The following CACNA1C variants were observed in gnomAD, a reference collection of about 807,000 sequenced individuals.
CACNA1C encodes voltage-dependent L-type calcium channel subunit alpha-1C.
In CACNA1C, 30 loss-of-function variants were observed where a neutral mutation model predicts 229.0. The observed-to-expected ratio is 0.13, with a 90% CI of 0.10 to 0.18. The LOEUF (loss-of-function observed/expected upper bound fraction) is 0.18. Ranked by LOEUF, CACNA1C falls within the 10% of genes least tolerant of loss-of-function variation. The probability of loss-of-function intolerance (pLI) is 1.00; values close to 1 mark genes in which losing one functional copy is unlikely to be tolerated. For synonymous variants in CACNA1C, 1,114 were observed against 1,132.5 expected (o/e 0.98, Z 0.33); for missense variants, 1,658 against 2,845.0 (o/e 0.58, Z 9.49).
At chr12:2,197,178 C>T (rs1217619791) in intron 3 of CACNA1C, among the ~76,000 whole-genome samples, 1 of 152,200 alleles carries the variant, frequency 6.6e-6, no homozygotes, top group Non-Finnish European at 1.5e-5. Flanking sequence ...ACACACTGGC[C>T]TCCACCTTGG....
chr12:2,021,003 C>T (rs541247163), intron 1 of CACNA1C, among the ~76,000 whole-genome samples: 8 of 152,006 alleles, frequency 5.3e-5, no homozygotes, highest in Admixed American at 1.3e-4. Context: ...GAATAGTTTC[C>T]AGGGTAAGTA....
intron 3 of CACNA1C, among the ~76,000 whole-genome samples, chr12:2,437,813 G>GTGGTGGTGGTAA (rs1312797004): frequency 6.6e-6 from 1 of 150,388 alleles, no homozygotes; most frequent in Non-Finnish European, 1.5e-5. Flanking sequence ...GGTGATGATG[G>GTGGTGGTGGTAA]TGGTGGTGGT....
chr12:2,226,369 A>C (rs997207372), intron 3 of CACNA1C, among the ~76,000 whole-genome samples: 6 of 152,194 alleles, frequency 3.9e-5, no homozygotes, highest in African/African-American at 1.4e-4. Flanking sequence ...CTCAGAGGTT[A>C]AATAACTTGG....
intron 3 of CACNA1C, among the ~76,000 whole-genome samples, chr12:2,345,720 A>G (rs2096993663): frequency 6.6e-6 from 1 of 152,160 alleles, no homozygotes; most frequent in Non-Finnish European, 1.5e-5. Flanking sequence ...AGGTTGATCT[A>G]GGCTGGCCAC....
At chr12:2,272,380 T>C (rs2085455464) in intron 3 of CACNA1C, among the ~76,000 whole-genome samples, 1 of 152,146 alleles carries the variant, frequency 6.6e-6, no homozygotes, top group South Asian at 2.1e-4. Context: ...TGGATCACCA[T>C]CCTCTGCCTC....
intron 3 of CACNA1C, among the ~76,000 whole-genome samples, chr12:2,168,108 C>T (rs1194842876): frequency 1.3e-5 from 2 of 151,912 alleles, no homozygotes; most frequent in East Asian, 1.9e-4. Flanking sequence ...GTTACAGGGG[C>T]ATGGAAATAT....
At position 2,575,745 on chromosome 12, in the gene CACNA1C, C is replaced by T. The variant is rs763465739; in HGVS notation, c.1896-5845C>T. Among the ~76,000 whole-genome samples, 1 of 152,070 alleles carries T rather than the reference C, an allele frequency of 6.6e-6. No individual in the cohort carries two copies. Among genetic ancestry groups the T allele is most frequent in the African/African-American group, 2.4e-5 (1 of 41,396 alleles). ...TAGGGTGGAACATTTGCAGAGCATCCGAAAGTGGTGGGTACTGTTATTTTG... is the reference window on the plus strand; with the variant it reads ...TAGGGTGGAACATTTGCAGAGCATCTGAAAGTGGTGGGTACTGTTATTTTG... On this transcript the variant is annotated intron_variant, in intron 13 of 46. Transcript: ENST00000399655. This position sits in a 1 kb window ranked among gnomAD's most constrained non-coding sequence, Gnocchi z 4.0.
At chr12:1,978,883 C>T (rs2035240478) in intron 1 of CACNA1C, among the ~76,000 whole-genome samples, 1 of 152,208 alleles carries the variant, frequency 6.6e-6, no homozygotes, top group South Asian at 2.1e-4. Context: ...TTCTTCTTAT[C>T]GCTGAGTAGT....
intron 3 of CACNA1C, among the ~76,000 whole-genome samples, chr12:2,171,775 G>C (rs943196652): frequency 6.6e-6 from 1 of 152,176 alleles, no homozygotes; most frequent in East Asian, 1.9e-4. Context: ...CAAGAAACTA[G>C]GATAACAGGT....
At chr12:2,035,961 A>G (rs2049063722) in intron 1 of CACNA1C, among the ~76,000 whole-genome samples, 1 of 151,900 alleles carries the variant, frequency 6.6e-6, no homozygotes, top group African/African-American at 2.4e-5. Flanking sequence ...GCTTCAGGGG[A>G]GGAGAGGATT....
At chr12:2,081,470 C>G (rs2065592418) in intron 1 of CACNA1C, among the ~76,000 whole-genome samples, 1 of 151,922 alleles carries the variant, frequency 6.6e-6, no homozygotes, top group Admixed American at 6.6e-5. Context: ...ACTCGGGAGG[C>G]TGAGGCAGGA....
At chr12:2,579,392 TAAAG>T (rs2059723893) in intron 13 of CACNA1C, among the ~76,000 whole-genome samples, 2 of 152,058 alleles carry the variant, frequency 1.3e-5, no homozygotes, top group African/African-American at 4.8e-5. Context: ...TAAATATGCT[TAAAG>T]TTGCTGGTTC....
At chr12:2,194,225 C>T (rs984592048) in intron 3 of CACNA1C, among the ~76,000 whole-genome samples, 2 of 145,228 alleles carry the variant, frequency 1.4e-5, no homozygotes, top group African/African-American at 5.2e-5. Context: ...CCTCCTCCTT[C>T]TACTCCTTTT....
In CACNA1C at chr12:2,692,176, A is replaced by G. The variant is rs886049219; in HGVS notation, c.*977A>G. The G allele has an allele frequency of 2.2e-4, 34 of 152,314 alleles. No homozygotes were observed. The highest frequency in any genetic ancestry group is 8.2e-4 in the African/African-American group (34 of 41,568). The allele number at this position is 152,314 out of a possible 1,614,324, so 9.4% of individuals were successfully genotyped here. The stretch of plus-strand genomic sequence containing the variant: ...TTTTACCAACCATTGTGTATGCCCA[A>G]TAATTTGTTATCATTTCCTTAGGTA... On this transcript the variant is annotated 3_prime_UTR_variant, in exon 47 of 47. Coordinates refer to ENST00000399655, the MANE Select transcript of CACNA1C (RefSeq NM_000719.7).
In CACNA1C at chr12:2,679,701, C is replaced by T. The variant is rs2097026480; in HGVS notation, c.5349C>T (p.Gly1783=). 1 of 1,611,666 alleles carries T rather than the reference C, an allele frequency of 6.2e-7. No individual in the cohort carries two copies. Among genetic ancestry groups the T allele is most frequent in the Non-Finnish European group, 8.5e-7 (1 of 1,178,874 alleles). ...TGGGTCGCCTCCCTCGCCCCGCCGGCTACCCCAGCACGGTCAGCACTGTGG... is the reference window on the plus strand; with the variant it reads ...TGGGTCGCCTCCCTCGCCCCGCCGGTTACCCCAGCACGGTCAGCACTGTGG... ...TALGRLPRPA[G]YPSTVSTVEG... The change falls in exon 42 of 47, where the codon GGC becomes GGT. Residue 1783 remains glycine (G), a synonymous_variant. Transcript: ENST00000399655. The surrounding 1 kb of genome is among the most constrained non-coding windows in gnomAD (Gnocchi z 5.5).
At chr12:2,422,081 C>T (rs570938518) in intron 3 of CACNA1C, among the ~76,000 whole-genome samples, 3 of 152,168 alleles carry the variant, frequency 2.0e-5, no homozygotes, top group Non-Finnish European at 4.4e-5. Flanking sequence ...CAGAAAATAC[C>T]CATAAATATC....
Position 2,340,543 on chromosome 12 carries a change from G to A in CACNA1C, c.478-108433G>A, listed in dbSNP as rs114298060. Among the ~76,000 whole-genome samples the A allele has an allele frequency of 5.3e-3, 803 of 152,332 alleles. 14 individuals carry two copies. The highest frequency in any genetic ancestry group is 0.019 in the African/African-American group (773 of 41,568). The stretch of plus-strand genomic sequence containing the variant: ...TCTAACAAAACATGGCTGAACCCAA[G>A]CTGGGGCATTCTTATTTCTACCTGT... On this transcript the variant is annotated intron_variant, in intron 3 of 46. Transcript: ENST00000399655.
chr12:2,434,889 G>C (rs930213753), intron 3 of CACNA1C, among the ~76,000 whole-genome samples: 1 of 152,230 alleles, frequency 6.6e-6, no homozygotes, highest in East Asian at 1.9e-4. Context: ...CTTCAGTCTA[G>C]TTCATCTAAA....
At position 2,136,642 on chromosome 12, in the gene CACNA1C, G is replaced by T. The variant is rs536931314; in HGVS notation, c.477+16212G>T. On this transcript the variant is annotated intron_variant, in intron 3 of 46. Transcript: ENST00000399655. ...GGAGGGAGTGAACGTCCCCAGGCTG[G>T]GTGGTGTCTGTAGGGGTCCTGGGGG... Among the ~76,000 whole-genome samples the T allele has an allele frequency of 3.9e-4, 59 of 151,382 alleles. 3 individuals carry two copies. The South Asian group carries it at 0.012, about 32-fold the overall frequency.
Sources: gnomAD v4.1 joint callset for allele counts (sites outside exome capture counted in the v4.1 genomes callset) on GRCh38, gnomAD v4.1.1 for gene constraint, Gnocchi (gnomAD v3.1) non-coding constraint, MANE v1.5 for transcripts, NCBI Gene and HGNC (gene_info 2026-07-23, HGNC 2026-07-21) for gene names.